ST18: variants seen among roughly 807,000 people sequenced by gnomAD.
The protein encoded by ST18 is suppression of tumorigenicity 18 protein.
ST18 carries 50 observed loss-of-function variants against 110.0 expected under a neutral mutation model. That is an observed-to-expected ratio of 0.45 (90% CI 0.36 to 0.58). ST18 has a LOEUF of 0.58. ST18 is among the 20% of genes least tolerant of loss of function. The pLI is 0.00. For missense variants in ST18, 1,306 were observed against 1,280.1 expected, an observed-to-expected ratio of 1.02 and a Z score of -0.31; for synonymous variants, 461 against 452.4, an observed-to-expected ratio of 1.02 and a Z score of -0.24.
intron 16 of ST18, 113 bp downstream of exon 16, chr8:52,149,619 A>G: frequency 7.2e-7 from 1 of 1,389,924 alleles, no homozygotes; most frequent in Non-Finnish European, 9.6e-7. Flanking sequence ...AGCAAGGTAC[A>G]GAATTATGTA....
intron 2 of ST18, among the ~76,000 whole-genome samples, chr8:52,257,725 C>T (rs1028711176): frequency 4.6e-5 from 7 of 152,100 alleles, no homozygotes; most frequent in Middle Eastern, 3.4e-3. Flanking sequence ...AACTTTTCTC[C>T]CATTGTGTGG....
At chr8:52,212,870 C>A (rs2082713142) in intron 7 of ST18, among the ~76,000 whole-genome samples, 1 of 152,154 alleles carries the variant, frequency 6.6e-6, no homozygotes, top group Non-Finnish European at 1.5e-5. Flanking sequence ...TTTAAAAAAA[C>A]CCACATTTTA....
At chr8:52,257,669 A>G (rs2094566995) in intron 2 of ST18, among the ~76,000 whole-genome samples, 2 of 152,072 alleles carry the variant, frequency 1.3e-5, no homozygotes, top group African/African-American at 4.8e-5. Context: ...TGCTCTTTCT[A>G]TATGTATTCT....
intron 16 of ST18, among the ~76,000 whole-genome samples, chr8:52,143,776 A>T (rs2056211159): frequency 6.6e-6 from 1 of 152,226 alleles, no homozygotes; most frequent in Non-Finnish European, 1.5e-5. Flanking sequence ...GCAAAAATGA[A>T]TCACACAAAC....
chr8:52,248,434 C>A (rs2138118166), intron 2 of ST18: 1 of 152,296 alleles, frequency 6.6e-6, no homozygotes, highest in South Asian at 2.1e-4. Flanking sequence ...AAACCACTGA[C>A]AACCCACTTA....
At chr8:52,208,581 C>T (rs1259747329) in intron 8 of ST18, among the ~76,000 whole-genome samples, 4 of 152,234 alleles carry the variant, frequency 2.6e-5, no homozygotes, top group Non-Finnish European at 4.4e-5. Context: ...AATCCCAGCA[C>T]TTTGGGAGGC....
At chr8:52,181,801 T>C (rs894464995) in intron 8 of ST18, among the ~76,000 whole-genome samples, 2 of 152,132 alleles carry the variant, frequency 1.3e-5, no homozygotes, top group South Asian at 2.1e-4. Context: ...CCGTAGATTA[T>C]GATGTAATGA....
At chr8:52,132,239 C>T in intron 21 of ST18, 60 bp from the exon 22 acceptor site, 1 of 1,407,562 alleles carries the variant, frequency 7.1e-7, no homozygotes, top group Non-Finnish European at 9.6e-7. Context: ...CCTATGCTCT[C>T]CAGAGAACAA....
At chr8:52,185,898 T>C (rs9298470) in intron 8 of ST18, among the ~76,000 whole-genome samples, 31,586 of 152,102 alleles carry the variant, frequency 0.21, 6,778 homozygotes, top group African/African-American at 0.55. Flanking sequence ...AAGCAGTTTA[T>C]AAACAACACT....
At chr8:52,289,198 T>C (rs2095516215) in intron 2 of ST18, among the ~76,000 whole-genome samples, 4 of 152,214 alleles carry the variant, frequency 2.6e-5, no homozygotes, top group African/African-American at 9.6e-5. Flanking sequence ...GCCTGGGTCT[T>C]AGGCCAGGCA....
intron 2 of ST18, among the ~76,000 whole-genome samples, chr8:52,325,852 A>T (rs140065312): frequency 6.6e-6 from 1 of 152,300 alleles, no homozygotes; most frequent in African/African-American, 2.4e-5. Flanking sequence ...CTTTATAAAT[A>T]AATGTGGACA....
At chr8:52,306,171 C>A (rs898460043) in intron 2 of ST18, among the ~76,000 whole-genome samples, 3 of 152,214 alleles carry the variant, frequency 2.0e-5, no homozygotes, top group African/African-American at 7.2e-5. Context: ...TCCTTCAAAT[C>A]TTTACTCAAA....
At chr8:52,216,390 G>A (rs2084224466) in intron 6 of ST18, among the ~76,000 whole-genome samples, 1 of 151,990 alleles carries the variant, frequency 6.6e-6, no homozygotes, top group South Asian at 2.1e-4. Flanking sequence ...TGTTGGTATA[G>A]GATATAGATA....
At position 52,188,197 on chromosome 8, in the gene ST18, G is replaced by A. The variant is rs181103560; in HGVS notation, c.87-7885C>T. Among the ~76,000 whole-genome samples, 19 of 152,286 alleles carry A rather than the reference G, an allele frequency of 1.2e-4. No homozygotes were observed. The East Asian group carries it at 3.7e-3, about 29-fold the overall frequency. On this transcript the variant is annotated intron_variant, in intron 8 of 25. Coordinates refer to ENST00000689386, the MANE Select transcript of ST18 (RefSeq NM_001352837.2). ...TAAAATACATAATATGTTTGAAGAT[G>A]TTTGCTTTGGAAAAAATACAGCAGA...
chr8:52,113,679 G>A (rs2041280964), intron 25 of ST18, among the ~76,000 whole-genome samples: 1 of 152,120 alleles, frequency 6.6e-6, no homozygotes, highest in Non-Finnish European at 1.5e-5. Flanking sequence ...CACTACATAT[G>A]CCTCCTGTTT....
intron 2 of ST18, among the ~76,000 whole-genome samples, chr8:52,304,272 A>T (rs1020280419): frequency 2.6e-5 from 4 of 152,230 alleles, no homozygotes; most frequent in Non-Finnish European, 5.9e-5. Flanking sequence ...TTCTAGTAGA[A>T]ATACTGGAAG....
In ST18 at chr8:52,312,055, C is replaced by T. The variant is rs148617013; in HGVS notation, c.-464-81978G>A. 6.1e-3 allele frequency among the ~76,000 whole-genome samples: 936 copies of T among 152,222 alleles called. 7 individuals carry two copies. The highest frequency in any genetic ancestry group is 0.021 in the African/African-American group (884 of 41,508). On this transcript the variant is annotated intron_variant, in intron 2 of 25. Coordinates refer to ENST00000689386, the MANE Select transcript of ST18 (RefSeq NM_001352837.2). Reference sequence around the variant, plus strand: ...TGCATTAACCTCTCATAAGACCTCACGAGATATGTTATGGGTTATTATTCC... The same window carrying T: ...TGCATTAACCTCTCATAAGACCTCATGAGATATGTTATGGGTTATTATTCC...
intron 13 of ST18, among the ~76,000 whole-genome samples, chr8:52,162,665 T>C (rs1039745059): frequency 1.3e-5 from 2 of 152,238 alleles, no homozygotes; most frequent in Admixed American, 6.5e-5. Flanking sequence ...ATATATTCTT[T>C]TAGAATGGTT....
chr8:52,357,729 AT>A (rs1479431612), intron 2 of ST18, among the ~76,000 whole-genome samples: 28 of 116,656 alleles, frequency 2.4e-4, no homozygotes, highest in East Asian at 1.6e-3. Flanking sequence ...ATATATATAT[AT>A]AAAACAGACT....
Sources: gnomAD v4.1 joint callset for allele counts (sites outside exome capture counted in the v4.1 genomes callset) on GRCh38, gnomAD v4.1.1 for gene constraint, MANE v1.5 for transcripts, NCBI Gene and HGNC (gene_info 2026-07-23, HGNC 2026-07-21) for gene names.